The following MAP3K4 variants were observed in gnomAD, a reference collection of about 807,000 sequenced individuals.
The protein encoded by MAP3K4 is mitogen-activated protein kinase kinase kinase 4, also known as MAP three kinase 1.
MAP3K4 carries 67 observed loss-of-function variants against 185.6 expected under a neutral mutation model. That is an observed-to-expected ratio of 0.36 (90% CI 0.30 to 0.44). The LOEUF (loss-of-function observed/expected upper bound fraction) is 0.44, where lower values mean the gene tolerates loss of function less well. MAP3K4 is among the 20% of genes least tolerant of loss of function. The probability of loss-of-function intolerance (pLI) is 1.00; values close to 1 mark genes in which losing one functional copy is unlikely to be tolerated. For synonymous variants in MAP3K4, 702 were observed against 710.4 expected (o/e 0.99, Z 0.19); for missense variants, 1,551 against 1,995.1 (o/e 0.78, Z 4.24).
At chr6:161,027,615 C>T (rs574195247) in intron 1 of MAP3K4, among the ~76,000 whole-genome samples, 4 of 152,130 alleles carry the variant, frequency 2.6e-5, no homozygotes, top group Non-Finnish European at 5.9e-5. Flanking sequence ...AGAGTTGACT[C>T]GGAACTTCCA....
In MAP3K4 at chr6:161,048,598, TA is replaced by T. The variant is rs763508237; in HGVS notation, c.344-17del. The stretch of plus-strand genomic sequence containing the variant: ...TTTTAGAGTTATATAATGTTCTGTT[TA>T]TTTTTTTTTTTAATAGAAAAAATGA... On this transcript the variant is annotated splice_polypyrimidine_tract_variant and intron_variant, in intron 2 of 26. Transcript: ENST00000392142. The surrounding 1 kb of genome is among the most constrained non-coding windows in gnomAD (Gnocchi z 4.7). 1 of 1,498,200 alleles carries T rather than the reference TA, an allele frequency of 6.7e-7. No homozygotes were observed. The highest frequency in any genetic ancestry group is 1.3e-5 in the South Asian group (1 of 77,532). The allele number at this position is 1,498,200 out of a possible 1,614,324, so 92.8% of individuals were successfully genotyped here. A position where few individuals can be genotyped will look rare whatever the true frequency, so the allele number is the denominator to read the frequency against.
Position 161,109,865 on chromosome 6 carries a change from T to A in MAP3K4, c.4347T>A (p.Ile1449=). ...VIRLYSKQIT[I]AINVLHEHGI... Reference sequence around the variant, plus strand: ...GGCTGTATTCAAAGCAGATCACCATTGCGATCAACGTCCTCCATGAGCATG... The same window carrying A: ...GGCTGTATTCAAAGCAGATCACCATAGCGATCAACGTCCTCCATGAGCATG... The change falls in exon 23 of 27, where the codon ATT becomes ATA. Residue 1449 remains isoleucine, a synonymous_variant. Transcript: ENST00000392142. The surrounding 1 kb of genome is among the most constrained non-coding windows in gnomAD (Gnocchi z 5.7). The A allele has an allele frequency of 6.2e-7, 1 of 1,614,176 alleles. No individual in the cohort carries two copies.
At chr6:161,012,060 C>T (rs189217713) in intron 1 of MAP3K4, among the ~76,000 whole-genome samples, 5 of 152,284 alleles carry the variant, frequency 3.3e-5, no homozygotes, top group East Asian at 1.9e-4. Context: ...AGGGTGGCCA[C>T]GCATTTCGAG....
At chr6:161,105,805 T>C (rs1485174099) in intron 19 of MAP3K4, among the ~76,000 whole-genome samples, 1 of 150,994 alleles carries the variant, frequency 6.6e-6, no homozygotes, top group Non-Finnish European at 1.5e-5. Flanking sequence ...TAGTAGGTAG[T>C]GGAGAACCAT....
In MAP3K4 at chr6:161,064,914, T is replaced by C. The variant is rs997063235; in HGVS notation, c.1708-5694T>C. On this transcript the variant is annotated intron_variant, in intron 3 of 26. Transcript: ENST00000392142. The surrounding 1 kb of genome is among the most constrained non-coding windows in gnomAD (Gnocchi z 4.3). Reference sequence around the variant, plus strand: ...CCCATGGGCCAATGCCTTCGTGGAGTCCAAGGTATTGTCCAAACAGGTTTC... The same window carrying C: ...CCCATGGGCCAATGCCTTCGTGGAGCCCAAGGTATTGTCCAAACAGGTTTC... Among the ~76,000 whole-genome samples, 8 of 151,706 alleles carry C rather than the reference T, an allele frequency of 5.3e-5. No individual in the cohort carries two copies. Among genetic ancestry groups the C allele is most frequent in the Non-Finnish European group, 8.8e-5 (6 of 67,944 alleles).
Position 160,991,807 on chromosome 6 carries a change from C to A in MAP3K4, c.-125C>A. 9.0e-7 allele frequency: 1 copy of A among 1,111,834 alleles called. No homozygotes were observed. The highest frequency in any genetic ancestry group is 1.2e-6 in the Non-Finnish European group (1 of 846,274). The allele number at this position is 1,111,834 out of a possible 1,614,324, so 68.9% of individuals were successfully genotyped here. A position where few individuals can be genotyped will look rare whatever the true frequency, so the allele number is the denominator to read the frequency against. On this transcript the variant is annotated 5_prime_UTR_variant, in exon 1 of 27. Coordinates refer to ENST00000392142, the MANE Select transcript of MAP3K4 (RefSeq NM_005922.4). The surrounding 1 kb of genome is among the most constrained non-coding windows in gnomAD (Gnocchi z 5.7). ...CCGTTTCCAAGATGGCCGCGGCGCG[C>A]ACGGCTCCTGCGGCGGGGTAGAGGC...
In MAP3K4 at chr6:161,080,165, C is replaced by T. The variant is rs1194822735; in HGVS notation, c.2098-716C>T. Among the ~76,000 whole-genome samples, 3 of 152,102 alleles carry T rather than the reference C, an allele frequency of 2.0e-5. No homozygotes were observed. The highest frequency in any genetic ancestry group is 7.2e-5 in the African/African-American group (3 of 41,408). On this transcript the variant is annotated intron_variant, in intron 5 of 26. Transcript: ENST00000392142. This position sits in a 1 kb window ranked among gnomAD's most constrained non-coding sequence, Gnocchi z 4.8. ...AATGTGTGACTCAAATATCTCCTAC[C>T]CCGTCAAGCTATTCTTTTAAGTAAA...
intron 1 of MAP3K4, among the ~76,000 whole-genome samples, chr6:161,004,973 A>G (rs1431796775): frequency 6.6e-6 from 1 of 152,212 alleles, no homozygotes; most frequent in Non-Finnish European, 1.5e-5. Context: ...TTGTATCAGT[A>G]TAACATTTGA....
rs1443732720 is a variant in MAP3K4, at chr6:161,034,563, T to G, written c.343+114T>G. The G allele has an allele frequency of 5.1e-6, 4 of 787,372 alleles. No individual in the cohort carries two copies. Among genetic ancestry groups the G allele is most frequent in the Non-Finnish European group, 7.1e-6 (4 of 563,052 alleles). 48.8% of individuals were successfully genotyped at this position (787,372 alleles called of 1,614,324 possible). On this transcript the variant is annotated intron_variant, in intron 2 of 26. Transcript: ENST00000392142. The surrounding 1 kb of genome is among the most constrained non-coding windows in gnomAD (Gnocchi z 4.4). ...TTTTAATTTGATTTTAATGCTCCTG[T>G]AAAGTTCAATTTTTTTTTGAATTAT...
At chr6:161,009,173 C>T (rs762208090) in intron 1 of MAP3K4, among the ~76,000 whole-genome samples, 2 of 151,912 alleles carry the variant, frequency 1.3e-5, no homozygotes, top group East Asian at 1.9e-4. Flanking sequence ...TTAGTAGAGA[C>T]GGGGTTTCAC....
chr6:161,101,958 G>C lies in MAP3K4; in HGVS notation c.3741G>C (p.Leu1247=), dbSNP rs1306219035. 2.5e-6 allele frequency: 4 copies of C among 1,614,058 alleles called. No homozygotes were observed. In the Admixed American group the frequency reaches 6.7e-5, roughly 27 times the overall value. Residue 1247 remains leucine, a synonymous_variant, in exon 18 of 27, where the codon CTG becomes CTC. Transcript: ENST00000392142. This position sits in a 1 kb window ranked among gnomAD's most constrained non-coding sequence, Gnocchi z 5.1. ...CTGCTGAATTGCAGTTTAGGTCCCT[G>C]AGTCGTCACTCAAGCCCCACGGAGG... ...SIAAELQFRS[L]SRHSSPTEER...
chr6:161,038,528 C>T (rs1313815674), intron 2 of MAP3K4, among the ~76,000 whole-genome samples: 2 of 152,222 alleles, frequency 1.3e-5, no homozygotes, highest in African/African-American at 4.8e-5. Context: ...ATACTATTAA[C>T]TTTAGAACTG....
chr6:161,087,734 C>T lies in MAP3K4; in HGVS notation c.2603C>T (p.Thr868Ile). ...LENLQMFVPD[T>I]LAEEKSIILQ... ...AACTTGCAAATGTTTGTTCCAGACA[C>T]TCTTGCTGAGGAGAAGAGTATTATT... Residue 868 changes from threonine to isoleucine, a missense_variant, in exon 10 of 27, where the codon ACT becomes ATT. Around this residue, in one of 16 missense-constraint regions of MAP3K4, gnomAD observed 261 missense variants for 306.5 expected, o/e 0.85. Coordinates refer to ENST00000392142, the MANE Select transcript of MAP3K4 (RefSeq NM_005922.4). The surrounding 1 kb of genome is among the most constrained non-coding windows in gnomAD (Gnocchi z 4.9). The T allele has an allele frequency of 6.2e-7, 1 of 1,614,188 alleles. No individual in the cohort carries two copies. Among genetic ancestry groups the T allele is most frequent in the Non-Finnish European group, 8.5e-7 (1 of 1,180,020 alleles).
At chr6:161,018,111 T>C (rs1267171224) in intron 1 of MAP3K4, among the ~76,000 whole-genome samples, 2 of 152,172 alleles carry the variant, frequency 1.3e-5, no homozygotes, top group Non-Finnish European at 2.9e-5. Context: ...TTCCAGACTG[T>C]GTTGCGGGGA....
chr6:161,086,628 A>C lies in MAP3K4; in HGVS notation c.2517A>C (p.Arg839Ser). 6.2e-7 allele frequency: 1 copy of C among 1,614,106 alleles called. No homozygotes were observed. Among genetic ancestry groups the C allele is most frequent in the Non-Finnish European group, 8.5e-7 (1 of 1,180,002 alleles). ...AATTCAGGCTTTCAGCCCCAGTTAGAGACCTCCTGGATGTTCTGAAATCAA... is the reference window on the plus strand; with the variant it reads ...AATTCAGGCTTTCAGCCCCAGTTAGCGACCTCCTGGATGTTCTGAAATCAA... ...AAEFRLSAPVRDLLDVLKSKQ... is the reference protein window; with the variant it reads ...AAEFRLSAPVSDLLDVLKSKQ... The change falls in exon 9 of 27, where the codon AGA (arginine) becomes AGC (serine). Residue 839 changes from arginine (R) to serine (S), a missense_variant. Around this residue, in one of 16 missense-constraint regions of MAP3K4, gnomAD observed 261 missense variants for 306.5 expected, o/e 0.85. Transcript: ENST00000392142. The surrounding 1 kb of genome is among the most constrained non-coding windows in gnomAD (Gnocchi z 4.8).
rs777681216 is a variant in MAP3K4 at position 161,087,779 on chromosome 6, C to G, written c.2648C>G (p.Ala883Gly). 2.7e-5 allele frequency: 44 copies of G among 1,614,002 alleles called. No homozygotes were observed. Among genetic ancestry groups the G allele is most frequent in the Non-Finnish European group, 3.6e-5 (42 of 1,179,992 alleles). Residue 883 changes from alanine to glycine, a missense_variant, in exon 10 of 27, where the codon GCT becomes GGT. By Grantham distance (60) the Ala-to-Gly change is moderately conservative. Transcript: ENST00000392142. The surrounding 1 kb of genome is among the most constrained non-coding windows in gnomAD (Gnocchi z 4.9). ...ATTATTTTGCAGTTACTCAATGCAG[C>G]TGCAGGAAAGGACTGTTCAAAAGAT... ...KSIILQLLNA[A>G]AGKDCSKDSD...
chr6:161,099,848 A>G (rs992222352), intron 17 of MAP3K4, among the ~76,000 whole-genome samples: 1 of 152,242 alleles, frequency 6.6e-6, no homozygotes, highest in Non-Finnish European at 1.5e-5. Flanking sequence ...GTTAAATACT[A>G]CAGTTACCCT....
At position 161,073,768 on chromosome 6, in the gene MAP3K4, T is replaced by TTG. The variant is rs1785053321; in HGVS notation, c.2097+166_2097+167dup. ...TAGAAATGATCCCTGAAAGTATAGC[T>TTG]TGTGTGTGTGTATTGCGGAGGGCGG... is the stretch of plus-strand genomic sequence containing the variant. On this transcript the variant is annotated intron_variant, in intron 5 of 26. Transcript: ENST00000392142. The surrounding 1 kb of genome is among the most constrained non-coding windows in gnomAD (Gnocchi z 4.2). Among the ~76,000 whole-genome samples the TTG allele has an allele frequency of 6.6e-6, 1 of 152,118 alleles. No homozygotes were observed. Among genetic ancestry groups the TTG allele is most frequent in the Admixed American group, 6.6e-5 (1 of 15,258 alleles).
At position 161,076,743 on chromosome 6, in the gene MAP3K4, C is replaced by T. The variant is rs1013592857; in HGVS notation, c.2097+3131C>T. ...CACATGTACACAATTTGAGTTTCTG[C>T]AGAAGAACAAAGAGCAAAGAAGCAG... On this transcript the variant is annotated intron_variant, in intron 5 of 26. Coordinates refer to ENST00000392142, the MANE Select transcript of MAP3K4 (RefSeq NM_005922.4). This position sits in a 1 kb window ranked among gnomAD's most constrained non-coding sequence, Gnocchi z 4.2. Among the ~76,000 whole-genome samples the T allele has an allele frequency of 1.3e-5, 2 of 152,192 alleles. No individual in the cohort carries two copies. The highest frequency in any genetic ancestry group is 4.8e-5 in the African/African-American group (2 of 41,446).
Sources: gnomAD v4.1 joint callset for allele counts (sites outside exome capture counted in the v4.1 genomes callset) on GRCh38, gnomAD v4.1.1 for gene constraint, gnomAD v4.1.1 regional missense constraint, Gnocchi (gnomAD v3.1) non-coding constraint, MANE v1.5 for transcripts, NCBI Gene and HGNC (gene_info 2026-07-23, HGNC 2026-07-21) for gene names.